CAP2: variants seen among roughly 807,000 people sequenced by gnomAD.
The protein encoded by CAP2 is adenylyl cyclase-associated protein 2.
Under a neutral mutation model 57.7 loss-of-function variants are expected in CAP2, and 24 were observed. That is an observed-to-expected ratio of 0.42 (90% confidence interval 0.30 to 0.58). The LOEUF is 0.58. Among genes scored for constraint, CAP2 ranks in the 20% least tolerant of loss-of-function variants. The pLI is 0.22. For missense variants in CAP2, 501 were observed against 590.3 expected, an observed-to-expected ratio of 0.85 and a Z score of 1.57; for synonymous variants, 194 against 207.2, an observed-to-expected ratio of 0.94 and a Z score of 0.55.
chr6:17,446,852 C>T (rs1453274404), intron 3 of CAP2, among the ~76,000 whole-genome samples: 1 of 152,226 alleles, frequency 6.6e-6, no homozygotes, highest in African/African-American at 2.4e-5. Context: ...TCCTGCACAG[C>T]TTGGCTGCAG....
chr6:17,501,325 C>T (rs1383188441), intron 4 of CAP2, among the ~76,000 whole-genome samples: 2 of 152,052 alleles, frequency 1.3e-5, no homozygotes, highest in East Asian at 1.9e-4. Context: ...ATTACATCTA[C>T]GGGAAAAAAA....
At position 17,399,630 on chromosome 6, in the gene CAP2, C is replaced by T. The variant is rs540361811; in HGVS notation, c.-2+5884C>T. On this transcript the variant is annotated intron_variant, in intron 1 of 12. Coordinates refer to ENST00000229922, the MANE Select transcript of CAP2 (RefSeq NM_006366.3). ...AATAATCCTGGCTTCTCATTGAACA[C>T]TTAGCCACCTGCAGAAGGTGCACTA... 1.3e-4 allele frequency among the ~76,000 whole-genome samples: 20 copies of T among 152,296 alleles called. 1 individual carries two copies. In the East Asian group the frequency reaches 3.5e-3, roughly 26 times the overall value.
chr6:17,438,496 T>G (rs1759970636), intron 3 of CAP2, among the ~76,000 whole-genome samples: 1 of 124,608 alleles, frequency 8.0e-6, no homozygotes, highest in Non-Finnish European at 1.6e-5. Flanking sequence ...TGGAGTGCAG[T>G]GGCACGATCC....
intron 2 of CAP2, 33 bp downstream of exon 2, chr6:17,421,709 T>C (rs775083921): frequency 1.9e-6 from 3 of 1,612,362 alleles, no homozygotes; most frequent in Non-Finnish European, 1.7e-6. Flanking sequence ...TTCCTGGTCT[T>C]CTTGTGGGTT....
chr6:17,551,645 C>A (rs1044551420), intron 12 of CAP2, 41 bp downstream of exon 12: 3 of 1,479,442 alleles, frequency 2.0e-6, no homozygotes, highest in East Asian at 2.3e-5. Context: ...TTTTCTGGAG[C>A]CTTCATTATT....
At chr6:17,463,420 A>G (rs1760782466) in intron 4 of CAP2, among the ~76,000 whole-genome samples, 1 of 152,188 alleles carries the variant, frequency 6.6e-6, no homozygotes, top group Non-Finnish European at 1.5e-5. Flanking sequence ...TGTGATCTTT[A>G]TACTAGTCTC....
intron 4 of CAP2, among the ~76,000 whole-genome samples, chr6:17,497,372 G>T (rs1414982702): frequency 6.6e-6 from 1 of 152,098 alleles, no homozygotes; most frequent in Non-Finnish European, 1.5e-5. Context: ...TCCCTGATAG[G>T]GTAAGAGTTG....
chr6:17,468,415 T>C (rs940795295), intron 4 of CAP2, among the ~76,000 whole-genome samples: 1 of 152,234 alleles, frequency 6.6e-6, no homozygotes. Flanking sequence ...ATTCTTACCA[T>C]GTGCGCTGCA....
intron 1 of CAP2, among the ~76,000 whole-genome samples, chr6:17,409,121 C>T (rs922692783): frequency 2.5e-4 from 37 of 150,216 alleles, no homozygotes; most frequent in Admixed American, 1.1e-3. Flanking sequence ...CCTGTAATCC[C>T]AGCACTTTAG....
At chr6:17,495,663 T>TG (rs1414775868) in intron 4 of CAP2, among the ~76,000 whole-genome samples, 3 of 152,094 alleles carry the variant, frequency 2.0e-5, no homozygotes, top group Admixed American at 2.0e-4. Flanking sequence ...AAATCCCCCT[T>TG]GGACGACAAA....
intron 1 of CAP2, among the ~76,000 whole-genome samples, chr6:17,414,785 G>C (rs1759235270): frequency 6.6e-6 from 1 of 152,160 alleles, no homozygotes; most frequent in Non-Finnish European, 1.5e-5. Flanking sequence ...TGGGATTGCT[G>C]GGTCAAATGG....
intron 11 of CAP2, among the ~76,000 whole-genome samples, chr6:17,548,091 A>G (rs1296303924): frequency 1.3e-5 from 2 of 150,850 alleles, no homozygotes; most frequent in Non-Finnish European, 3.0e-5. Context: ...ATAGAGGCCG[A>G]GCGTGGTGGC....
In CAP2 at chr6:17,542,877, C is replaced by G. The variant is rs1762940048; in HGVS notation, c.1043C>G (p.Thr348Ser). 8.1e-6 allele frequency: 13 copies of G among 1,611,890 alleles called. No homozygotes were observed. Among genetic ancestry groups the G allele is most frequent in the Non-Finnish European group, 1.1e-5 (13 of 1,177,992 alleles). The change falls in exon 10 of 13, where the codon ACT becomes AGT. Residue 348 changes from threonine to serine, a missense_variant. Physicochemically the swap from Thr to Ser is moderately conservative, Grantham distance 58 (BLOSUM62 1). Transcript: ENST00000229922. ...EDRNDLVISE[T>S]ELKQVAYIFK... ...AGGAATGACCTTGTGATTTCAGAGA[C>G]TGAGCTGAAACAAGTGGCTTACATT...
At chr6:17,399,149 C>T (rs542540774) in intron 1 of CAP2, among the ~76,000 whole-genome samples, 15 of 152,288 alleles carry the variant, frequency 9.8e-5, no homozygotes, top group Admixed American at 6.5e-4. Flanking sequence ...CTGCAACCTC[C>T]GCCTCCCAGG....
chr6:17,463,164 G>T, intron 4 of CAP2, 91 bp downstream of exon 4: 1 of 872,488 alleles, frequency 1.1e-6, no homozygotes, highest in South Asian at 1.4e-5. Flanking sequence ...TATTATAGTC[G>T]ACCTCCTAAA....
chr6:17,539,160 G>T, intron 7 of CAP2, 109 bp from the exon 8 acceptor site: 1 of 1,015,134 alleles, frequency 9.9e-7, no homozygotes, highest in Non-Finnish European at 1.5e-6. Context: ...CCTTTGCTCA[G>T]GCTTCAACCC....
Position 17,403,844 on chromosome 6 carries a change from C to T in CAP2, c.-2+10098C>T, listed in dbSNP as rs548092592. ...TTTTAAAATGAGTAAGAATGAATTT[C>T]ACTGGACATATAAGATAGTTTTATA... is the stretch of plus-strand genomic sequence containing the variant. On this transcript the variant is annotated intron_variant, in intron 1 of 12. Coordinates refer to ENST00000229922, the MANE Select transcript of CAP2 (RefSeq NM_006366.3). Among the ~76,000 whole-genome samples, 78 of 152,266 alleles carry T rather than the reference C, an allele frequency of 5.1e-4. No individual in the cohort carries two copies. The Middle Eastern group carries it at 0.017, about 33-fold the overall frequency.
At chr6:17,488,159 C>A (rs994050336) in intron 4 of CAP2, among the ~76,000 whole-genome samples, 1 of 152,156 alleles carries the variant, frequency 6.6e-6, no homozygotes, top group Non-Finnish European at 1.5e-5. Flanking sequence ...CCTCCCACCT[C>A]GGCCTTCCAA....
intron 7 of CAP2, among the ~76,000 whole-genome samples, chr6:17,528,673 T>A (rs1175254137): frequency 1.3e-5 from 2 of 152,312 alleles, no homozygotes; most frequent in East Asian, 3.9e-4. Flanking sequence ...CGGATCCAAA[T>A]GGGCCCCACA....
Sources: gnomAD v4.1 joint callset for allele counts (sites outside exome capture counted in the v4.1 genomes callset) on GRCh38, gnomAD v4.1.1 for gene constraint, MANE v1.5 for transcripts, NCBI Gene and HGNC (gene_info 2026-07-23, HGNC 2026-07-21) for gene names.